Variants in NEDD4 observed in about 807,000 individuals in gnomAD.
The protein encoded by NEDD4 is NEDD4 E3 ubiquitin protein ligase.
In NEDD4, 99 loss-of-function variants were observed where a neutral mutation model predicts 144.9. The ratio of observed to expected loss-of-function variants is 0.68; its 90% CI spans 0.58 to 0.81. The LOEUF is 0.81. Ranked by LOEUF, NEDD4 falls within the 30% of genes least tolerant of loss-of-function variation. The pLI is 0.00. For synonymous variants in NEDD4, 318 were observed against 350.6 expected (o/e 0.91, Z 1.04); for missense variants, 985 against 1,065.9 (o/e 0.92, Z 1.06).
chr15:55,869,597 T>A lies in NEDD4; in HGVS notation c.489A>T (p.Glu163Asp), dbSNP rs1455868709. 2.5e-6 allele frequency: 4 copies of A among 1,580,996 alleles called. No homozygotes were observed. The East Asian group carries it at 9.1e-5, about 36-fold the overall frequency. ...ATCTCACCTCTAATTCCTCAGCCTG[T>A]TCTGCATTATCATCTTCTGAGCCAC... is the stretch of plus-strand genomic sequence containing the variant. ...KTSGSEDDNA[E>D]QAEELEPGWV... Residue 163 changes from glutamate (E) to aspartate (D), a missense_variant, in exon 8 of 29, where the codon GAA becomes GAT. Physicochemically the swap from Glu to Asp is conservative, Grantham distance 45 (BLOSUM62 2). Transcript: ENST00000435532.
chr15:55,863,051 T>C lies in NEDD4; in HGVS notation c.536A>G (p.Asp179Gly), dbSNP rs1250247897. 6.2e-7 allele frequency: 1 copy of C among 1,603,196 alleles called. No individual in the cohort carries two copies. Among genetic ancestry groups the C allele is most frequent in the South Asian group, 1.1e-5 (1 of 89,526 alleles). ...EPGWVVLDQP[D>G]AACHLQQQQE... ...TTGTTGCTGCAAATGGCAAGCAGCATCTGGTTGGTCCAAAACAACCCAGCC... is the reference window on the plus strand; with the variant it reads ...TTGTTGCTGCAAATGGCAAGCAGCACCTGGTTGGTCCAAAACAACCCAGCC... Residue 179 changes from aspartate to glycine, a missense_variant, in exon 9 of 29, where the codon GAT (aspartate) becomes GGT (glycine). Physicochemically the swap from Asp to Gly is moderately conservative, Grantham distance 94. Coordinates refer to ENST00000435532, the MANE Select transcript of NEDD4 (RefSeq NM_006154.4).
chr15:55,852,466 A>G lies in NEDD4; in HGVS notation c.1104T>C (p.Asp368=), dbSNP rs533617445. The G allele has an allele frequency of 1.2e-6, 2 of 1,612,822 alleles. No individual in the cohort carries two copies. The highest frequency in any genetic ancestry group is 4.5e-5 in the East Asian group (2 of 44,804). Residue 368 remains aspartate, a synonymous_variant, in exon 13 of 29, where the codon GAT becomes GAC. Coordinates refer to ENST00000435532, the MANE Select transcript of NEDD4 (RefSeq NM_006154.4). The stretch of plus-strand genomic sequence containing the variant: ...TCCAAGTAGTCGTTCTGGAATTGTG[A>G]TCTACATAATATGATCTTCCTCTTT... ...QDERGRSYYV[D]HNSRTTTWTK... is the part of the protein sequence containing the mutation.
chr15:55,876,098 T>C (rs926992004), intron 5 of NEDD4, among the ~76,000 whole-genome samples: 1 of 152,196 alleles, frequency 6.6e-6, no homozygotes, highest in Non-Finnish European at 1.5e-5. Flanking sequence ...GACAACTGAA[T>C]GATATCTATA....
intron 18 of NEDD4, among the ~76,000 whole-genome samples, chr15:55,846,487 A>T (rs942536875): frequency 5.3e-5 from 8 of 152,374 alleles, no homozygotes; most frequent in Admixed American, 2.0e-4. Flanking sequence ...GAGACAAGTC[A>T]CAAGAGCACA....
At chr15:55,874,569 T>A (rs1032463772) in intron 5 of NEDD4, among the ~76,000 whole-genome samples, 9 of 152,218 alleles carry the variant, frequency 5.9e-5, no homozygotes, top group African/African-American at 1.9e-4. Flanking sequence ...TACTCTGAAC[T>A]GAACAAGTGA....
At position 55,854,127 on chromosome 15, in the gene NEDD4, C is replaced by T. The variant is rs116820411; in HGVS notation, c.1027-1584G>A. 2.9e-3 allele frequency among the ~76,000 whole-genome samples: 447 copies of T among 152,020 alleles called. 3 individuals are homozygous for T. The highest frequency in any genetic ancestry group is 0.01 in the African/African-American group (423 of 41,466). On this transcript the variant is annotated intron_variant, in intron 12 of 28. Coordinates refer to ENST00000435532, the MANE Select transcript of NEDD4 (RefSeq NM_006154.4). The stretch of plus-strand genomic sequence containing the variant: ...GATCGCCTGGGCACTCCAGCCTGGA[C>T]AACAGAGCAAGACTCCATCCCCCTC...
chr15:55,987,067 A>G (rs543246774), intron 1 of NEDD4: 5 of 135,686 alleles, frequency 3.7e-5, no homozygotes, highest in African/African-American at 1.4e-4. Context: ...ACAATGGTTG[A>G]ACTAGTTTAC....
At position 55,863,042 on chromosome 15, in the gene NEDD4, C is replaced by A. The variant is rs2034463754; in HGVS notation, c.545G>T (p.Cys182Phe). ...WVVLDQPDAA[C>F]HLQQQQEPSP... ...AGGTTCTTGTTGTTGCTGCAAATGG[C>A]AAGCAGCATCTGGTTGGTCCAAAAC... The change falls in exon 9 of 29, where the codon TGC (cysteine) becomes TTC (phenylalanine). Residue 182 changes from cysteine to phenylalanine, a missense_variant. Transcript: ENST00000435532. 4 of 1,602,782 alleles carry A rather than the reference C, an allele frequency of 2.5e-6. No homozygotes were observed. Among genetic ancestry groups the A allele is most frequent in the Non-Finnish European group, 3.4e-6 (4 of 1,172,550 alleles).
At chr15:55,848,181 T>C (rs1481790758) in intron 17 of NEDD4, among the ~76,000 whole-genome samples, 191 bp downstream of exon 17, 1 of 152,178 alleles carries the variant, frequency 6.6e-6, no homozygotes, top group East Asian at 1.9e-4. Context: ...TGCTATTGCG[T>C]AGGGTAAGGA....
At chr15:55,908,773 A>G (rs1175087289) in intron 5 of NEDD4, among the ~76,000 whole-genome samples, 1 of 152,194 alleles carries the variant, frequency 6.6e-6, no homozygotes, top group Non-Finnish European at 1.5e-5. Context: ...CGGACACAGC[A>G]GTGCACCTGT....
intron 4 of NEDD4, among the ~76,000 whole-genome samples, chr15:55,944,715 C>T (rs541247712): frequency 6.6e-6 from 1 of 152,204 alleles, no homozygotes; most frequent in Non-Finnish European, 1.5e-5. Context: ...TGTAGCCTAA[C>T]TGGGAGACAC....
At chr15:55,962,893 T>G (rs1311324707) in intron 2 of NEDD4, among the ~76,000 whole-genome samples, 2 of 151,358 alleles carry the variant, frequency 1.3e-5, no homozygotes, top group African/African-American at 4.9e-5. Flanking sequence ...TTCAACTGAT[T>G]CTCCTGCTTC....
At chr15:55,927,920 G>A (rs2036705535) in intron 4 of NEDD4, among the ~76,000 whole-genome samples, 1 of 152,166 alleles carries the variant, frequency 6.6e-6, no homozygotes, top group African/African-American at 2.4e-5. Flanking sequence ...AAAATATCTA[G>A]CAGACACTGC....
intron 4 of NEDD4, among the ~76,000 whole-genome samples, chr15:55,941,824 C>T (rs1385707424): frequency 2.6e-5 from 4 of 152,162 alleles, no homozygotes; most frequent in Admixed American, 6.5e-5. Flanking sequence ...ATGCCTGCAT[C>T]GGCTTCCCAA....
At chr15:55,890,411 G>A (rs1259746841) in intron 5 of NEDD4, among the ~76,000 whole-genome samples, 2 of 152,056 alleles carry the variant, frequency 1.3e-5, no homozygotes, top group Admixed American at 6.5e-5. Flanking sequence ...TGTCTTTATG[G>A]ATTTGCCTAT....
chr15:55,916,337 GT>G (rs2036442753), intron 5 of NEDD4: 1 of 1,613,694 alleles, frequency 6.2e-7, no homozygotes, highest in African/African-American at 1.3e-5. Flanking sequence ...AATCACTACC[GT>G]TGCTGCTGTA....
chr15:55,911,552 C>T (rs533775377), intron 5 of NEDD4, among the ~76,000 whole-genome samples: 81 of 150,780 alleles, frequency 5.4e-4, no homozygotes, highest in African/African-American at 1.7e-3. Context: ...TTTTTTGAGA[C>T]GGGGTTTCGC....
chr15:55,885,619 T>G lies in NEDD4; in HGVS notation c.292-11611A>C, dbSNP rs1267920354. Among the ~76,000 whole-genome samples the G allele has an allele frequency of 2.0e-5, 3 of 152,258 alleles. No homozygotes were observed. In the East Asian group the frequency reaches 5.8e-4, roughly 29 times the overall value. ...TGTTTATGCAATCAGTGTTAAGTTG[T>G]CATCAGTTTAAAACAATAACTTATA... On this transcript the variant is annotated intron_variant, in intron 5 of 28. Transcript: ENST00000435532.
Position 55,848,517 on chromosome 15 carries a change from A to G in NEDD4, c.1483+4T>C. ...AACATAATGAAAAATCGCACTGCAC[A>G]TACTGTGATTTATGTAGAAGATTCT... On this transcript the variant is annotated splice_donor_region_variant and intron_variant, in intron 16 of 28. Coordinates refer to ENST00000435532, the MANE Select transcript of NEDD4 (RefSeq NM_006154.4). 1 of 1,613,382 alleles carries G rather than the reference A, an allele frequency of 6.2e-7. No homozygotes were observed. Among genetic ancestry groups the G allele is most frequent in the Non-Finnish European group, 8.5e-7 (1 of 1,179,406 alleles).
Sources: allele counts gnomAD v4.1 joint callset (sites outside exome capture counted in the v4.1 genomes callset), GRCh38; gene constraint gnomAD v4.1.1; transcripts MANE v1.5; gene names NCBI Gene and HGNC (gene_info 2026-07-23, HGNC 2026-07-21).